The following CECR2 variants were observed in gnomAD, a reference collection of about 807,000 sequenced individuals.
The protein encoded by CECR2 is CECR2 histone acetyl-lysine reader.
CECR2 carries 30 observed loss-of-function variants against 154.5 expected under a neutral mutation model. That is an observed-to-expected ratio of 0.19 (90% CI 0.15 to 0.26). CECR2 has a LOEUF of 0.26. Ranked by LOEUF, CECR2 falls within the 10% of genes least tolerant of loss-of-function variation. The pLI is 1.00. For synonymous variants in CECR2, 725 were observed against 683.7 expected (o/e 1.06, Z -0.94); for missense variants, 1,743 against 1,829.3 (o/e 0.95, Z 0.86).
intron 1 of CECR2, among the ~76,000 whole-genome samples, chr22:17,381,586 C>T (rs979945259): frequency 2.6e-5 from 4 of 152,096 alleles, no homozygotes; most frequent in Admixed American, 2.6e-4. Context: ...AATCTCAAAA[C>T]CCAATCAGCC....
chr22:17,518,995 T>A (rs2056109107), intron 8 of CECR2: 2 of 202,550 alleles, frequency 9.9e-6, no homozygotes, highest in Non-Finnish European at 2.1e-5. Context: ...ATTCTCTGCA[T>A]CAGAGAGAAC....
rs796853539 is a variant in CECR2 at position 17,455,547 on chromosome 22, CTTGTATTAGGTATCCA to C, written c.127-22037_127-22022del. Among the ~76,000 whole-genome samples, 24 of 152,274 alleles carry C rather than the reference CTTGTATTAGGTATCCA, an allele frequency of 1.6e-4. 1 individual carries two copies. The highest frequency in any genetic ancestry group is 5.1e-4 in the African/African-American group (21 of 41,540). ...ATTATAATGTCTTTCTTGCATATGG[CTTGTATTAGGTATCCA>C]TTGATGTGTATGGTGTACGCAACTT... On this transcript the variant is annotated intron_variant, in intron 1 of 18. Transcript: ENST00000262608.
intron 13 of CECR2, among the ~76,000 whole-genome samples, chr22:17,539,566 A>T (rs1270384789): frequency 6.6e-6 from 1 of 152,140 alleles, no homozygotes; most frequent in Non-Finnish European, 1.5e-5. Context: ...ACCTAATGTA[A>T]ATGACGAGTT....
intron 2 of CECR2, among the ~76,000 whole-genome samples, chr22:17,491,330 G>A (rs1352540778): frequency 6.6e-6 from 1 of 152,040 alleles, no homozygotes; most frequent in Non-Finnish European, 1.5e-5. Flanking sequence ...TGAGGATTCC[G>A]TGTCTCTGCA....
chr22:17,397,556 G>C (rs2053830145), intron 1 of CECR2, among the ~76,000 whole-genome samples: 1 of 151,994 alleles, frequency 6.6e-6, no homozygotes, highest in African/African-American at 2.4e-5. Flanking sequence ...AGACTGCAGT[G>C]GCGCTATCTC....
chr22:17,529,716 GA>G (rs2056325017), intron 9 of CECR2, among the ~76,000 whole-genome samples: 1 of 151,366 alleles, frequency 6.6e-6, no homozygotes, highest in South Asian at 2.1e-4. Flanking sequence ...AAAAAAAAAG[GA>G]AGGATTAAAT....
chr22:17,403,002 C>G (rs2053920514), intron 1 of CECR2, among the ~76,000 whole-genome samples: 1 of 152,220 alleles, frequency 6.6e-6, no homozygotes, highest in South Asian at 2.1e-4. Flanking sequence ...GATCCACCCG[C>G]CTCGGCCTCC....
At chr22:17,518,251 G>A (rs1486598440) in intron 8 of CECR2, among the ~76,000 whole-genome samples, 1 of 152,206 alleles carries the variant, frequency 6.6e-6, no homozygotes, top group Non-Finnish European at 1.5e-5. Flanking sequence ...ACGGTGTGCA[G>A]TAAATTGGCA....
chr22:17,423,858 A>C (rs1192011575), intron 1 of CECR2, among the ~76,000 whole-genome samples: 1 of 152,202 alleles, frequency 6.6e-6, no homozygotes, highest in Non-Finnish European at 1.5e-5. Flanking sequence ...TTTCGTCTTC[A>C]GTGTGTTTAC....
chr22:17,382,408 G>A (rs948911115), intron 1 of CECR2, among the ~76,000 whole-genome samples: 1 of 152,126 alleles, frequency 6.6e-6, no homozygotes, highest in Non-Finnish European at 1.5e-5. Context: ...GAAGAAGAAA[G>A]ACTAGTTTTA....
At chr22:17,455,509 T>C (rs1408004197) in intron 1 of CECR2, among the ~76,000 whole-genome samples, 5 of 152,346 alleles carry the variant, frequency 3.3e-5, no homozygotes, top group African/African-American at 1.2e-4. Flanking sequence ...CACTTTATAG[T>C]TCATGGTCTA....
chr22:17,506,887 A>G (rs2055857351), intron 7 of CECR2, among the ~76,000 whole-genome samples: 1 of 152,102 alleles, frequency 6.6e-6, no homozygotes, highest in Non-Finnish European at 1.5e-5. Flanking sequence ...ACTCCTGGCC[A>G]CAAGTGATCC....
chr22:17,432,508 C>T (rs963687649), intron 1 of CECR2, among the ~76,000 whole-genome samples: 1 of 152,168 alleles, frequency 6.6e-6, no homozygotes, highest in Non-Finnish European at 1.5e-5. Flanking sequence ...ATTTCTGGGT[C>T]ATATGATTAC....
chr22:17,484,817 G>A (rs1394751019), intron 2 of CECR2, among the ~76,000 whole-genome samples: 2 of 152,194 alleles, frequency 1.3e-5, no homozygotes, highest in African/African-American at 4.8e-5. Flanking sequence ...GGCAGAGGTT[G>A]CAGTGAGCCG....
intron 1 of CECR2, among the ~76,000 whole-genome samples, chr22:17,436,799 G>A (rs2054513348): frequency 6.6e-6 from 1 of 152,188 alleles, no homozygotes; most frequent in Admixed American, 6.5e-5. Flanking sequence ...TCCTATTTTT[G>A]TTTCAGGGTA....
intron 9 of CECR2, among the ~76,000 whole-genome samples, chr22:17,525,283 CT>C (rs1569142058): frequency 1.2e-4 from 1 of 8,482 alleles, no homozygotes; most frequent in Non-Finnish European, 1.9e-4. Flanking sequence ...GAAACTCCAT[CT>C]CCAAAAAAAA....
At chr22:17,366,872 A>G (rs575388182), upstream of CECR2, among the ~76,000 whole-genome samples, 1 of 152,152 alleles carries the variant, frequency 6.6e-6, no homozygotes, top group African/African-American at 2.4e-5. Flanking sequence ...TGGGGCCAGG[A>G]TCCGTTCCAG....
At chr22:17,500,822 C>A in intron 5 of CECR2, 87 bp downstream of exon 5, 2 of 945,554 alleles carry the variant, frequency 2.1e-6, no homozygotes, top group Non-Finnish European at 3.2e-6. Flanking sequence ...TTGCCTGTGC[C>A]ATGGGAAGCA....
At chr22:17,421,613 T>C (rs2054251568) in intron 1 of CECR2, among the ~76,000 whole-genome samples, 2 of 10,320 alleles carry the variant, frequency 1.9e-4, no homozygotes, top group East Asian at 3.5e-3. Context: ...AGACTCCGTC[T>C]CAAAAAAAAA....
Sources: gnomAD v4.1 joint callset for allele counts (sites outside exome capture counted in the v4.1 genomes callset) on GRCh38, gnomAD v4.1.1 for gene constraint, MANE v1.5 for transcripts, NCBI Gene and HGNC (gene_info 2026-07-23, HGNC 2026-07-21) for gene names.